Variants in CCDC137 observed in about 807,000 individuals in gnomAD.
CCDC137 encodes the protein coiled-coil domain containing 137.
A neutral mutation model predicts 30.4 loss-of-function variants in CCDC137; 24 were observed. That is an observed-to-expected ratio of 0.79 (90% CI 0.57 to 1.11). CCDC137 has a LOEUF of 1.11. CCDC137 is among the 50% of genes least tolerant of loss of function. The pLI is 0.00. For synonymous variants in CCDC137, 182 were observed against 155.7 expected (o/e 1.17, Z -1.26); for missense variants, 417 against 380.4 (o/e 1.10, Z -0.80).
At chr17:81,667,127 C>G (rs577099816) in intron 1 of CCDC137, 2 of 428,972 alleles carry the variant, frequency 4.7e-6, no homozygotes, top group African/African-American at 2.0e-5. Flanking sequence ...AGTGTCCCGT[C>G]TTTGTGGTTC....
In CCDC137 at chr17:81,672,796, G is replaced by T; in HGVS notation, c.*92G>T. Reference sequence around the variant, plus strand: ...AGGAGAGAGGCAGGCCATGCCAGCAGTGTGGGGTGAGGCCTCCAGCTACTT... The same window carrying T: ...AGGAGAGAGGCAGGCCATGCCAGCATTGTGGGGTGAGGCCTCCAGCTACTT... On this transcript the variant is annotated 3_prime_UTR_variant, in exon 6 of 6. Transcript: ENST00000329214. The T allele has an allele frequency of 8.0e-7, 1 of 1,253,854 alleles. No individual in the cohort carries two copies. Among genetic ancestry groups the T allele is most frequent in the East Asian group, 2.6e-5 (1 of 39,164 alleles). The allele number at this position is 1,253,854 out of a possible 1,614,324, so 77.7% of individuals were successfully genotyped here.
Position 81,670,364 on chromosome 17 carries a change from G to A in CCDC137, c.408G>A (p.Val136=). The A allele has an allele frequency of 6.2e-7, 1 of 1,613,968 alleles. No individual in the cohort carries two copies. The highest frequency in any genetic ancestry group is 1.7e-4 in the Middle Eastern group (1 of 6,060). The part of the protein sequence containing the change: ...IHRMQQEAQH[V]LFLSKNQAIR... Reference sequence around the variant, plus strand: ...GCATGCAGCAAGAGGCCCAGCATGTGCTGTTCCTCAGCAAGAACCAGGCCA... The same window carrying A: ...GCATGCAGCAAGAGGCCCAGCATGTACTGTTCCTCAGCAAGAACCAGGCCA... Residue 136 remains valine (V), a synonymous_variant, in exon 3 of 6, where the codon GTG becomes GTA. Transcript: ENST00000329214.
At chr17:81,668,327 T>C (rs1398498860) in intron 2 of CCDC137, among the ~76,000 whole-genome samples, 2 of 151,422 alleles carry the variant, frequency 1.3e-5, no homozygotes, top group Admixed American at 6.6e-5. Flanking sequence ...GTGGGTGGAG[T>C]CAGGAGCTGA....
intron 2 of CCDC137, among the ~76,000 whole-genome samples, 184 bp downstream of exon 2, chr17:81,668,046 G>A (rs1426660860): frequency 6.6e-6 from 1 of 152,190 alleles, no homozygotes; most frequent in Non-Finnish European, 1.5e-5. Context: ...TTCCAGACGA[G>A]GCTTGGAAGG....
At chr17:81,670,944 C>G (rs1036645603) in intron 3 of CCDC137, among the ~76,000 whole-genome samples, 4 of 151,750 alleles carry the variant, frequency 2.6e-5, no homozygotes, top group Non-Finnish European at 5.9e-5. Context: ...CTAGCCAACA[C>G]GGTGAAACCT....
rs1273156592 is a variant in CCDC137 at position 81,673,067 on chromosome 17, G to A, written c.*363G>A. On this transcript the variant is annotated 3_prime_UTR_variant, in exon 6 of 6. Transcript: ENST00000329214. ...GGCTCAGTGTGTGACGGAGGCCCCC[G>A]GGAGTCAGCAGAGCCGAGCGTACAG... The A allele has an allele frequency of 1.3e-5, 4 of 314,844 alleles. No individual in the cohort carries two copies. The highest frequency in any genetic ancestry group is 9.5e-5 in the Admixed American group (2 of 21,088). The allele number at this position is 314,844 out of a possible 1,614,324, so 19.5% of individuals were successfully genotyped here.
In CCDC137 at chr17:81,672,604, G is replaced by T. The variant is rs753648466; in HGVS notation, c.770G>T (p.Arg257Leu). The T allele has an allele frequency of 3.8e-6, 6 of 1,588,428 alleles. No homozygotes were observed. The highest frequency in any genetic ancestry group is 3.6e-5 in the Admixed American group (2 of 55,602). The stretch of plus-strand genomic sequence containing the variant: ...CGGATTGTGGAGGAGGAGAGAGAGC[G>T]GGCCGTGCAGGCCTACAGAGCGTTG... ...RQRIVEEERE[R>L]AVQAYRALKQ... Residue 257 changes from arginine (R) to leucine (L), a missense_variant, in exon 6 of 6, where the codon CGG becomes CTG. Arg to Leu is a moderately radical substitution (Grantham distance 102). Coordinates refer to ENST00000329214, the MANE Select transcript of CCDC137 (RefSeq NM_199287.3).
rs373358953 is a variant in CCDC137 at position 81,672,691 on chromosome 17, A to C, written c.857A>C (p.Glu286Ala). The change falls in exon 6 of 6, where the codon GAG (glutamate) becomes GCG (alanine). Residue 286 changes from glutamate to alanine, a missense_variant. Transcript: ENST00000329214. ...CACCTCACTTCCCGGAAGAAGCCAG[A>C]GCCGCAGCTGTGATGGAGAGACACC... is the stretch of plus-strand genomic sequence containing the variant. The part of the protein sequence containing the change: ...RPHLTSRKKP[E>A]PQL The C allele has an allele frequency of 1.8e-4, 294 of 1,590,986 alleles. 3 individuals carry two copies. In the South Asian group the frequency reaches 2.2e-3, roughly 12 times the overall value.
intron 2 of CCDC137, among the ~76,000 whole-genome samples, chr17:81,669,705 G>A (rs917397785): frequency 5.3e-5 from 8 of 152,262 alleles, no homozygotes; most frequent in South Asian, 2.1e-4. Flanking sequence ...GACTACAGGC[G>A]CCCACCACCA....
At chr17:81,670,567 T>A in intron 3 of CCDC137, 114 bp downstream of exon 3, 1 of 924,144 alleles carries the variant, frequency 1.1e-6, no homozygotes, top group Non-Finnish European at 1.6e-6. Context: ...GCAGCCTGGA[T>A]TCAGGGAGAC....
At chr17:81,671,528 T>C in intron 3 of CCDC137, 1 of 562,434 alleles carries the variant, frequency 1.8e-6, no homozygotes, top group African/African-American at 1.9e-5. Context: ...TGAGAACCAC[T>C]GGGGGACCTG....
intron 2 of CCDC137, among the ~76,000 whole-genome samples, 170 bp downstream of exon 2, chr17:81,668,032 G>T (rs1205832423): frequency 6.6e-6 from 1 of 152,212 alleles, no homozygotes; most frequent in Non-Finnish European, 1.5e-5. Flanking sequence ...TGGTGGCGCT[G>T]TGGTTCCAGA....
chr17:81,668,417 G>A (rs1027558801), intron 2 of CCDC137, among the ~76,000 whole-genome samples: 4 of 152,160 alleles, frequency 2.6e-5, no homozygotes, highest in African/African-American at 9.7e-5. Flanking sequence ...CATGTCCACC[G>A]CTGCAACCCA....
At position 81,672,661 on chromosome 17, in the gene CCDC137, G is replaced by T. The variant is rs777603327; in HGVS notation, c.827G>T (p.Arg276Leu). The T allele has an allele frequency of 3.7e-6, 6 of 1,600,824 alleles. No individual in the cohort carries two copies. The African/African-American group carries it at 4.0e-5, about 11-fold the overall frequency. ...CGGCAGCAGCAGCTGCACGGGGAGC[G>T]ACCCCACCTCACTTCCCGGAAGAAG... ...KQRQQQLHGE[R>L]PHLTSRKKPE... Residue 276 changes from arginine to leucine, a missense_variant, in exon 6 of 6, where the codon CGA becomes CTA. Transcript: ENST00000329214.
Position 81,666,834 on chromosome 17 carries a change from C to T in CCDC137, c.68C>T (p.Ala23Val), listed in dbSNP as rs1022079526. 3 of 1,345,454 alleles carry T rather than the reference C, an allele frequency of 2.2e-6. No individual in the cohort carries two copies. The highest frequency in any genetic ancestry group is 2.9e-6 in the Non-Finnish European group (3 of 1,046,072). 83.3% of individuals were successfully genotyped at this position (1,345,454 alleles called of 1,614,324 possible). The change falls in exon 1 of 6, where the codon GCG becomes GTG. Residue 23 changes from alanine to valine, a missense_variant. Transcript: ENST00000329214. ...GCGGGTCCTGGGAGTCCCCGGCGAGCGCGGGGGCGGCAGCAAGTGCAGCCG... is the reference window on the plus strand; with the variant it reads ...GCGGGTCCTGGGAGTCCCCGGCGAGTGCGGGGGCGGCAGCAAGTGCAGCCG... ...VQAGPGSPRR[A>V]RGRQQVQPLG...
chr17:81,668,607 G>A (rs752615105), intron 2 of CCDC137, among the ~76,000 whole-genome samples: 8 of 152,218 alleles, frequency 5.3e-5, no homozygotes, highest in African/African-American at 1.9e-4. Flanking sequence ...GTGAGATAGA[G>A]GTGAGGAAGG....
Position 81,667,784 on chromosome 17 carries a change from C to A in CCDC137, c.190C>A (p.Pro64Thr). 3 of 1,613,302 alleles carry A rather than the reference C, an allele frequency of 1.9e-6. No individual in the cohort carries two copies. Among genetic ancestry groups the A allele is most frequent in the Non-Finnish European group, 2.5e-6 (3 of 1,179,988 alleles). The change falls in exon 2 of 6, where the codon CCT becomes ACT. Residue 64 changes from proline to threonine, a missense_variant. By Grantham distance (38) the Pro-to-Thr change is conservative. Transcript: ENST00000329214. The part of the protein sequence containing the change: ...KPKNQDEQEI[P>T]FRLREIMRSR... Reference sequence around the variant, plus strand: ...CAAGAACCAGGACGAACAGGAGATTCCTTTCCGGCTCCGGGAGATTATGAG... The same window carrying A: ...CAAGAACCAGGACGAACAGGAGATTACTTTCCGGCTCCGGGAGATTATGAG...
intron 2 of CCDC137, among the ~76,000 whole-genome samples, chr17:81,669,773 G>A (rs578099015): frequency 6.6e-6 from 1 of 151,610 alleles, no homozygotes; most frequent in African/African-American, 2.4e-5. Context: ...GTGTTAGCCA[G>A]GATGGTCTGA....
chr17:81,671,653 AG>A, intron 3 of CCDC137, 90 bp from the exon 4 acceptor site: 1 of 1,287,118 alleles, frequency 7.8e-7, no homozygotes, highest in Non-Finnish European at 1.1e-6. Context: ...GCTCTGCCAC[AG>A]GGGATCCCTT....
Sources: allele counts gnomAD v4.1 joint callset (sites outside exome capture counted in the v4.1 genomes callset), GRCh38; gene constraint gnomAD v4.1.1; transcripts MANE v1.5; gene names NCBI Gene and HGNC (gene_info 2026-07-23, HGNC 2026-07-21).